CCSER1: variants seen among roughly 807,000 people sequenced by gnomAD.
CCSER1 encodes coiled-coil serine rich protein 1.
CCSER1 carries 41 observed loss-of-function variants against 82.0 expected under a neutral mutation model. That is an observed-to-expected ratio of 0.50 (90% CI 0.39 to 0.65). CCSER1 has a LOEUF of 0.65. CCSER1 is among the 30% of genes least tolerant of loss of function. The pLI, the probability that CCSER1 is intolerant of heterozygous loss-of-function variation, is 0.00. For missense variants in CCSER1, 1,119 were observed against 1,064.2 expected, an observed-to-expected ratio of 1.05 and a Z score of -0.72; for synonymous variants, 414 against 383.9, an observed-to-expected ratio of 1.08 and a Z score of -0.92.
At chr4:90,440,296 C>T (rs1337406593) in intron 4 of CCSER1, among the ~76,000 whole-genome samples, 1 of 152,170 alleles carries the variant, frequency 6.6e-6, no homozygotes, top group Non-Finnish European at 1.5e-5. Context: ...TGAGCCACTG[C>T]ATCCAGTCCA....
chr4:90,733,358 T>C (rs1745081885), intron 7 of CCSER1, among the ~76,000 whole-genome samples: 1 of 152,218 alleles, frequency 6.6e-6, no homozygotes, highest in African/African-American at 2.4e-5. Flanking sequence ...ATTCAGATGT[T>C]TTGGCCATTT....
At chr4:90,602,688 T>A (rs947139381) in intron 5 of CCSER1, among the ~76,000 whole-genome samples, 3 of 152,128 alleles carry the variant, frequency 2.0e-5, no homozygotes, top group Non-Finnish European at 4.4e-5. Context: ...AAGCAAACAA[T>A]ATGATCTTCA....
At chr4:90,130,247 A>G (rs1280893089) in intron 1 of CCSER1, among the ~76,000 whole-genome samples, 4 of 152,342 alleles carry the variant, frequency 2.6e-5, no homozygotes, top group East Asian at 3.9e-4. Flanking sequence ...TCTTTCAGGA[A>G]CTTACTTGCC....
At position 90,565,096 on chromosome 4, in the gene CCSER1, G is replaced by T. The variant is rs112196404; in HGVS notation, c.1725-62929G>T. Reference sequence around the variant, plus strand: ...TATTGATAGGTATTGTGTTAAATCTGTAGGTTACTTTGGGTAGTGTGGATG... The same window carrying T: ...TATTGATAGGTATTGTGTTAAATCTTTAGGTTACTTTGGGTAGTGTGGATG... On this transcript the variant is annotated intron_variant, in intron 5 of 10. Transcript: ENST00000509176. Among the ~76,000 whole-genome samples, 4 of 150,806 alleles carry T rather than the reference G, an allele frequency of 2.7e-5. No homozygotes were observed. The East Asian group carries it at 7.7e-4, about 29-fold the overall frequency.
At chr4:91,266,701 A>G (rs912429469) in intron 10 of CCSER1, among the ~76,000 whole-genome samples, 1 of 152,162 alleles carries the variant, frequency 6.6e-6, no homozygotes, top group Non-Finnish European at 1.5e-5. Context: ...GTTAAAATGA[A>G]ATGCTTAACA....
At chr4:90,669,862 T>G (rs952403069) in intron 6 of CCSER1, among the ~76,000 whole-genome samples, 3 of 152,130 alleles carry the variant, frequency 2.0e-5, no homozygotes, top group Non-Finnish European at 2.9e-5. Context: ...TTTGTCAAAC[T>G]TTTTTTAAAT....
At chr4:90,636,897 A>AT (rs1725510714) in intron 6 of CCSER1, among the ~76,000 whole-genome samples, 1 of 152,328 alleles carries the variant, frequency 6.6e-6, no homozygotes, top group South Asian at 2.1e-4. Context: ...ATGTATGAGC[A>AT]GATATGTTTG....
chr4:90,588,161 T>TAGCTGTACC (rs1382292955), intron 5 of CCSER1, among the ~76,000 whole-genome samples: 7 of 152,192 alleles, frequency 4.6e-5, no homozygotes. Flanking sequence ...GAAGCTTGGG[T>TAGCTGTACC]AGCTGTACCA....
intron 9 of CCSER1, among the ~76,000 whole-genome samples, chr4:90,976,503 A>T (rs1161112603): frequency 6.6e-6 from 1 of 151,288 alleles, no homozygotes; most frequent in East Asian, 1.9e-4. Context: ...TAAGATTAAA[A>T]AAAATAGTCA....
At chr4:91,316,047 T>A (rs1018973251) in intron 10 of CCSER1, among the ~76,000 whole-genome samples, 2 of 151,976 alleles carry the variant, frequency 1.3e-5, no homozygotes, top group African/African-American at 4.8e-5. Flanking sequence ...ATCTGATGGT[T>A]TTACATAGGG....
chr4:90,339,110 T>C (rs1026121056), intron 3 of CCSER1, among the ~76,000 whole-genome samples: 3 of 152,244 alleles, frequency 2.0e-5, no homozygotes, highest in African/African-American at 7.2e-5. Context: ...TTTCTTTCTA[T>C]AGAACTCCAG....
intron 1 of CCSER1, among the ~76,000 whole-genome samples, chr4:90,275,521 T>G (rs1214776738): frequency 6.6e-6 from 1 of 152,158 alleles, no homozygotes; most frequent in Admixed American, 6.5e-5. Flanking sequence ...GATAACATTT[T>G]AGCAAGGCTG....
intron 9 of CCSER1, among the ~76,000 whole-genome samples, chr4:90,952,846 T>C (rs1217596570): frequency 6.6e-6 from 1 of 152,026 alleles, no homozygotes; most frequent in Non-Finnish European, 1.5e-5. Context: ...CCCACTAGGC[T>C]CCAGAAGATT....
At chr4:91,543,385 T>C (rs2110202269) in intron 10 of CCSER1, among the ~76,000 whole-genome samples, 1 of 152,362 alleles carries the variant, frequency 6.6e-6, no homozygotes, top group South Asian at 2.1e-4. Flanking sequence ...TGATGCAGTT[T>C]CTTCCTAGCC....
At chr4:90,967,551 A>T (rs1734689606) in intron 9 of CCSER1, among the ~76,000 whole-genome samples, 1 of 152,146 alleles carries the variant, frequency 6.6e-6, no homozygotes, top group African/African-American at 2.4e-5. Flanking sequence ...ATACAAAAAT[A>T]ACTTAAACTG....
intron 6 of CCSER1, among the ~76,000 whole-genome samples, chr4:90,706,107 T>C (rs1464606395): frequency 6.6e-6 from 1 of 152,150 alleles, no homozygotes; most frequent in African/African-American, 2.4e-5. Context: ...TATTCAGCCA[T>C]CTTGGAACCA....
intron 10 of CCSER1, among the ~76,000 whole-genome samples, chr4:91,455,070 A>G (rs1337682355): frequency 6.6e-6 from 1 of 152,158 alleles, no homozygotes; most frequent in African/African-American, 2.4e-5. Flanking sequence ...TGTATATAAA[A>G]GGAAGCAAAT....
intron 1 of CCSER1, among the ~76,000 whole-genome samples, chr4:90,243,394 G>C (rs942213418): frequency 6.6e-6 from 1 of 151,872 alleles, no homozygotes; most frequent in African/African-American, 2.4e-5. Flanking sequence ...GATTACAGGA[G>C]CGTGCCACCA....
chr4:90,324,838 A>G (rs1193560397), intron 3 of CCSER1, among the ~76,000 whole-genome samples: 5 of 152,100 alleles, frequency 3.3e-5, no homozygotes, highest in African/African-American at 9.7e-5. Context: ...ATCTTGACTT[A>G]ATTTTTGTAT....
Sources: allele counts gnomAD v4.1 joint callset (sites outside exome capture counted in the v4.1 genomes callset), GRCh38; gene constraint gnomAD v4.1.1; transcripts MANE v1.5; gene names NCBI Gene and HGNC (gene_info 2026-07-23, HGNC 2026-07-21).